Variants in PTPRD observed in about 807,000 individuals in gnomAD.
PTPRD encodes the protein receptor-type tyrosine-protein phosphatase delta.
Under a neutral mutation model 214.5 loss-of-function variants are expected in PTPRD, and 34 were observed. The observed-to-expected ratio is 0.16, with a 90% CI of 0.12 to 0.21. PTPRD has a LOEUF of 0.21. Among genes scored for constraint, PTPRD ranks in the 10% least tolerant of loss-of-function variants. The probability of loss-of-function intolerance (pLI) is 1.00; values close to 1 mark genes in which losing one functional copy is unlikely to be tolerated. For missense variants in PTPRD, 2,545 were observed against 2,398.7 expected, an observed-to-expected ratio of 1.06 and a Z score of -1.27; for synonymous variants, 1,128 against 845.7, an observed-to-expected ratio of 1.33 and a Z score of -5.79.
intron 11 of PTPRD, among the ~76,000 whole-genome samples, chr9:8,919,833 T>C (rs974834010): frequency 4.1e-5 from 5 of 122,548 alleles, no homozygotes; most frequent in Non-Finnish European, 9.8e-5. Context: ...CATACATGCA[T>C]ACATACGTGC....
At chr9:9,366,641 A>T (rs1339493763) in intron 9 of PTPRD, among the ~76,000 whole-genome samples, 1 of 151,522 alleles carries the variant, frequency 6.6e-6, no homozygotes, top group Non-Finnish European at 1.5e-5. Context: ...ATAGAAACAT[A>T]TCATCCATCA....
intron 9 of PTPRD, among the ~76,000 whole-genome samples, chr9:9,265,566 G>T (rs187738347): frequency 1.3e-5 from 2 of 151,490 alleles, no homozygotes; most frequent in Admixed American, 6.6e-5. Flanking sequence ...TGTAAATTGT[G>T]ACATAAAAAA....
Position 9,646,318 on chromosome 9 carries a change from G to GTGTGT in PTPRD, c.-286-71538_-286-71537insACACA, listed in dbSNP as rs1564283052. ...TTTGGGAGGGGTGTGTGTGTGTGTG[G>GTGTGT]GTGTGTGTGTGTGTGTGTGTGTGTG... On this transcript the variant is annotated intron_variant, in intron 7 of 45. Transcript: ENST00000381196. Among the ~76,000 whole-genome samples, 232 of 137,278 alleles carry GTGTGT rather than the reference G, an allele frequency of 1.7e-3. 1 individual carries two copies. Among genetic ancestry groups the GTGTGT allele is most frequent in the African/African-American group, 5.9e-3 (211 of 36,062 alleles). The allele number at this position is 137,278 out of a possible 152,430, so 90.1% of individuals were successfully genotyped here.
intron 36 of PTPRD, among the ~76,000 whole-genome samples, chr9:8,395,089 C>G (rs2090747660): frequency 6.6e-6 from 1 of 152,048 alleles, no homozygotes; most frequent in Non-Finnish European, 1.5e-5. Context: ...ATCCCAGGTA[C>G]TTTTATTTTC....
rs1363754785 is a variant in PTPRD at position 9,827,612 on chromosome 9, C to T, written c.-367-60761G>A. 4.6e-5 allele frequency among the ~76,000 whole-genome samples: 7 copies of T among 152,228 alleles called. No homozygotes were observed. In the East Asian group the frequency reaches 1.2e-3, roughly 25 times the overall value. Reference sequence around the variant, plus strand: ...ACAGGCATGGGCAAGGACTTCATGTCTAAAACACCAAAAACAATGGCAACA... The same window carrying T: ...ACAGGCATGGGCAAGGACTTCATGTTTAAAACACCAAAAACAATGGCAACA... On this transcript the variant is annotated intron_variant, in intron 5 of 45. Coordinates refer to ENST00000381196, the MANE Select transcript of PTPRD (RefSeq NM_002839.4).
At chr9:10,521,276 T>G (rs2052168572) in intron 2 of PTPRD, among the ~76,000 whole-genome samples, 1 of 151,868 alleles carries the variant, frequency 6.6e-6, no homozygotes, top group African/African-American at 2.4e-5. Flanking sequence ...ACAGAGGTGG[T>G]GGAAACAGCA....
Position 8,545,712 on chromosome 9 carries a change from T to C in PTPRD, c.353-16933A>G, listed in dbSNP as rs555811591. 3.9e-5 allele frequency among the ~76,000 whole-genome samples: 6 copies of C among 152,340 alleles called. No individual in the cohort carries two copies. In the East Asian group the frequency reaches 1.2e-3, roughly 29 times the overall value. ...TATTAAAGTACATTATTTCTACTGATTGATCACCATTGAAAGTTCAAATGG... is the reference window on the plus strand; with the variant it reads ...TATTAAAGTACATTATTTCTACTGACTGATCACCATTGAAAGTTCAAATGG... On this transcript the variant is annotated intron_variant, in intron 14 of 45. Transcript: ENST00000381196.
chr9:8,757,214 G>A (rs978320284), intron 11 of PTPRD, among the ~76,000 whole-genome samples: 2 of 151,882 alleles, frequency 1.3e-5, no homozygotes, highest in Non-Finnish European at 2.9e-5. Flanking sequence ...ATACATGTTA[G>A]ACAAACAAAA....
intron 7 of PTPRD, among the ~76,000 whole-genome samples, chr9:9,611,103 C>A (rs1374953231): frequency 6.6e-6 from 1 of 152,126 alleles, no homozygotes; most frequent in Non-Finnish European, 1.5e-5. Context: ...TGTACAAATA[C>A]AATACCTTTT....
intron 9 of PTPRD, among the ~76,000 whole-genome samples, chr9:9,343,140 C>T (rs1330225870): frequency 2.0e-5 from 3 of 152,154 alleles, no homozygotes; most frequent in Non-Finnish European, 4.4e-5. Flanking sequence ...CACTGATAGG[C>T]ATTTGGGTTG....
intron 10 of PTPRD, among the ~76,000 whole-genome samples, chr9:9,110,838 T>G (rs1375437859): frequency 3.3e-5 from 5 of 152,168 alleles, no homozygotes; most frequent in Non-Finnish European, 5.9e-5. Context: ...GTAAATAAGA[T>G]TTTACTAGAA....
chr9:10,334,956 G>A (rs1335135393), intron 3 of PTPRD, among the ~76,000 whole-genome samples: 1 of 151,626 alleles, frequency 6.6e-6, no homozygotes, highest in African/African-American at 2.4e-5. Context: ...CTAAGTAAAT[G>A]GAGAAATATT....
chr9:10,345,805 G>T (rs771786879), intron 2 of PTPRD, among the ~76,000 whole-genome samples: 1 of 152,142 alleles, frequency 6.6e-6, no homozygotes, highest in African/African-American at 2.4e-5. Context: ...GAGTCAAATG[G>T]TATTTCTGGT....
At chr9:9,591,209 A>T (rs674662) in intron 7 of PTPRD, among the ~76,000 whole-genome samples, 39,639 of 148,548 alleles carry the variant, frequency 0.27, 6,148 homozygotes, top group Non-Finnish European at 0.35. Flanking sequence ...AGAGAGATTG[A>T]AAGCGTGAGA....
chr9:8,355,448 G>C (rs1157483832), intron 39 of PTPRD, among the ~76,000 whole-genome samples: 2 of 152,028 alleles, frequency 1.3e-5, no homozygotes, highest in Non-Finnish European at 2.9e-5. Flanking sequence ...AGTTCGAGTG[G>C]TATGCATACA....
At chr9:10,306,882 T>A (rs2096088445) in intron 3 of PTPRD, among the ~76,000 whole-genome samples, 1 of 152,114 alleles carries the variant, frequency 6.6e-6, no homozygotes, top group Admixed American at 6.6e-5. Context: ...CTTATCAAAC[T>A]ATGTTTATAC....
At chr9:8,540,163 T>C (rs2078037510) in intron 14 of PTPRD, among the ~76,000 whole-genome samples, 1 of 152,136 alleles carries the variant, frequency 6.6e-6, no homozygotes, top group African/African-American at 2.4e-5. Flanking sequence ...TTAAATTATA[T>C]AGAAGTAAAC....
intron 8 of PTPRD, among the ~76,000 whole-genome samples, chr9:9,502,962 A>T (rs1001751463): frequency 6.6e-6 from 1 of 151,858 alleles, no homozygotes; most frequent in Non-Finnish European, 1.5e-5. Flanking sequence ...AATCTTTCTC[A>T]GTGATGGAAA....
At chr9:8,903,443 A>G (rs2098686558) in intron 11 of PTPRD, among the ~76,000 whole-genome samples, 1 of 152,176 alleles carries the variant, frequency 6.6e-6, no homozygotes, top group African/African-American at 2.4e-5. Flanking sequence ...CATTCCTGCT[A>G]ATGTTTATTT....
Sources: allele counts gnomAD v4.1 joint callset (sites outside exome capture counted in the v4.1 genomes callset), GRCh38; gene constraint gnomAD v4.1.1; transcripts MANE v1.5; gene names NCBI Gene and HGNC (gene_info 2026-07-23, HGNC 2026-07-21).